CLEC4F: variants seen among roughly 807,000 people sequenced by gnomAD.
CLEC4F encodes the protein C-type (calcium dependent, carbohydrate-recognition domain) lectin, superfamily member 13.
In CLEC4F, 45 loss-of-function variants were observed where a neutral mutation model predicts 53.4. The ratio of observed to expected loss-of-function variants is 0.84; its 90% CI spans 0.66 to 1.08. CLEC4F has a LOEUF of 1.08. Among genes scored for constraint, CLEC4F ranks in the 50% least tolerant of loss-of-function variants. The pLI is 0.00. For synonymous variants in CLEC4F, 245 were observed against 257.5 expected (o/e 0.95, Z 0.46); for missense variants, 753 against 698.2 (o/e 1.08, Z -0.88).
chr2:70,811,701 G>A (rs1476203515), intron 5 of CLEC4F, among the ~76,000 whole-genome samples: 1 of 152,092 alleles, frequency 6.6e-6, no homozygotes, highest in East Asian at 1.9e-4. Context: ...GTGGTCCTCG[G>A]ACCCATAGTT....
chr2:70,809,131 G>A lies in CLEC4F; in HGVS notation c.*140C>T, dbSNP rs1676395900. 6.4e-7 allele frequency: 1 copy of A among 1,551,468 alleles called. No individual in the cohort carries two copies. Among genetic ancestry groups the A allele is most frequent in the Non-Finnish European group, 8.7e-7 (1 of 1,147,222 alleles). On this transcript the variant is annotated 3_prime_UTR_variant, in exon 7 of 7. Transcript: ENST00000272367. Reference sequence around the variant, plus strand: ...TAGATGAAGGCAGCATCCCTTCCTGGTGCTGTGGCTCCTAGGGAGCTGACA... The same window carrying A: ...TAGATGAAGGCAGCATCCCTTCCTGATGCTGTGGCTCCTAGGGAGCTGACA...
chr2:70,823,574 G>A (rs1677279869), upstream of CLEC4F, among the ~76,000 whole-genome samples: 1 of 152,142 alleles, frequency 6.6e-6, no homozygotes, highest in South Asian at 2.1e-4. Context: ...GCCAGGAGAG[G>A]GGCATAGTTC....
rs782589322 is a variant in CLEC4F at position 70,816,067 on chromosome 2, G to A, written c.1314C>T (p.Ile438=). The stretch of plus-strand genomic sequence containing the variant: ...TCTTCAGGCGACTCTGCTCCTGCTG[G>A]ATTTCCATGGTTAGAGCTTTGGTGT... ...LENTKALTME[I]QQEQSRLKTL... Residue 438 remains isoleucine, a synonymous_variant, in exon 4 of 7, where the codon ATC becomes ATT. Coordinates refer to ENST00000272367, the MANE Select transcript of CLEC4F (RefSeq NM_173535.3). 2.5e-6 allele frequency: 4 copies of A among 1,614,062 alleles called. No individual in the cohort carries two copies. Among genetic ancestry groups the A allele is most frequent in the Non-Finnish European group, 3.4e-6 (4 of 1,180,054 alleles).
intron 6 of CLEC4F, 134 bp from the exon 7 acceptor site, chr2:70,809,516 C>T (rs558624059): frequency 1.6e-4 from 162 of 994,702 alleles, no homozygotes; most frequent in South Asian, 4.5e-4. Context: ...TGTGTCCAAA[C>T]GCACACACAT....
rs1553393584 is a variant in CLEC4F, at chr2:70,809,392, G to A, written c.1659-10C>T. 3.1e-6 allele frequency: 5 copies of A among 1,592,944 alleles called. No individual in the cohort carries two copies. The South Asian group carries it at 4.5e-5, about 14-fold the overall frequency. On this transcript the variant is annotated splice_polypyrimidine_tract_variant and intron_variant, in intron 6 of 6. Transcript: ENST00000272367. The stretch of plus-strand genomic sequence containing the variant: ...TCCCTTGGAACCAGGCCTGAGTAGG[G>A]CAGGGGGAAAAAAACAGAAAGACCC...
intron 4 of CLEC4F, among the ~76,000 whole-genome samples, chr2:70,815,325 C>T (rs1558614054): frequency 6.6e-6 from 1 of 152,158 alleles, no homozygotes; most frequent in Non-Finnish European, 1.5e-5. Context: ...CAGATCTCTT[C>T]CCTCCCCCTA....
chr2:70,820,401 G>T, intron 1 of CLEC4F, 62 bp downstream of exon 1: 1 of 1,463,632 alleles, frequency 6.8e-7, no homozygotes, highest in South Asian at 1.3e-5. Context: ...TTATGGCAGA[G>T]GGCCAAAGGA....
chr2:70,824,024 C>CAAA (rs1179902981), upstream of CLEC4F, among the ~76,000 whole-genome samples: 20 of 60,644 alleles, frequency 3.3e-4, no homozygotes, highest in South Asian at 6.4e-4. Context: ...AGCAAGACTC[C>CAAA]AAAAAAAAAA....
upstream of CLEC4F, among the ~76,000 whole-genome samples, chr2:70,823,911 T>C (rs1553398482): frequency 6.6e-6 from 1 of 151,382 alleles, no homozygotes. Flanking sequence ...GTGACTGTAA[T>C]CCCAGCTACT....
At chr2:70,822,239 C>T (rs145978645), upstream of CLEC4F, among the ~76,000 whole-genome samples, 626 of 152,282 alleles carry the variant, frequency 4.1e-3, 1 homozygote, top group African/African-American at 0.013. Context: ...GTCAGAGAAT[C>T]GGCTGGTGTC....
chr2:70,811,441 G>A, intron 5 of CLEC4F: 4 of 585,248 alleles, frequency 6.8e-6, no homozygotes, highest in South Asian at 4.5e-5. Flanking sequence ...TGCCTGTTCT[G>A]CCTCAGCACT....
intron 5 of CLEC4F, 78 bp downstream of exon 5, chr2:70,812,369 G>T: frequency 6.5e-7 from 1 of 1,528,290 alleles, no homozygotes; most frequent in South Asian, 1.2e-5. Context: ...TACCCACTGA[G>T]AGCAGGAAGG....
intron 4 of CLEC4F, among the ~76,000 whole-genome samples, chr2:70,813,623 C>CTTTCTTTA (rs1467745851): frequency 2.1e-3 from 243 of 113,820 alleles, no homozygotes; most frequent in Non-Finnish European, 3.6e-3. Flanking sequence ...TTCTTTCTTT[C>CTTTCTTTA]TTTCTTTCTT....
At chr2:70,811,124 C>G (rs1298911178) in intron 5 of CLEC4F, 2 of 688,692 alleles carry the variant, frequency 2.9e-6, no homozygotes, top group African/African-American at 1.8e-5. Context: ...GCACGACACT[C>G]TTTTGGAGTT....
chr2:70,821,647 G>T (rs73937022), upstream of CLEC4F, among the ~76,000 whole-genome samples: 17,879 of 152,184 alleles, frequency 0.12, 1,964 homozygotes, highest in African/African-American at 0.29. Context: ...AAAAGAATAG[G>T]AAGTACAGTG....
At position 70,819,408 on chromosome 2, in the gene CLEC4F, T is replaced by C. The variant is rs782291286; in HGVS notation, c.215A>G (p.Gln72Arg). The C allele has an allele frequency of 1.9e-6, 3 of 1,614,186 alleles. No individual in the cohort carries two copies. In the Admixed American group the frequency reaches 5.0e-5, roughly 27 times the overall value. ...AATGTTGTCTCCCAGAATTACGGCTTGCACAGGCTTCGGAACAGGTCTTGT... is the reference window on the plus strand; with the variant it reads ...AATGTTGTCTCCCAGAATTACGGCTCGCACAGGCTTCGGAACAGGTCTTGT... ...QQTRPVPKPVQAVILGDNITG... is the reference protein window; with the variant it reads ...QQTRPVPKPVRAVILGDNITG... Residue 72 changes from glutamine to arginine, a missense_variant, in exon 3 of 7, where the codon CAA becomes CGA. Coordinates refer to ENST00000272367, the MANE Select transcript of CLEC4F (RefSeq NM_173535.3).
intron 4 of CLEC4F, among the ~76,000 whole-genome samples, chr2:70,814,300 G>C (rs782667988): frequency 8.5e-5 from 13 of 152,134 alleles, no homozygotes; most frequent in Admixed American, 4.6e-4. Flanking sequence ...ACGTCAACCT[G>C]GTGGAAGCTG....
At chr2:70,822,865 A>G (rs1055185404), upstream of CLEC4F, among the ~76,000 whole-genome samples, 4 of 152,230 alleles carry the variant, frequency 2.6e-5, no homozygotes, top group Non-Finnish European at 5.9e-5. Context: ...TCTTTTGCAC[A>G]GATCCTGGGG....
intron 6 of CLEC4F, 126 bp downstream of exon 6, chr2:70,809,602 TACACCACATAC>T (rs1676430912): frequency 2.5e-6 from 2 of 792,624 alleles, no homozygotes; most frequent in South Asian, 1.6e-5. Flanking sequence ...ACACCACACA[TACACCACATAC>T]ACACCACACA....
Sources: allele counts gnomAD v4.1 joint callset (sites outside exome capture counted in the v4.1 genomes callset), GRCh38; gene constraint gnomAD v4.1.1; transcripts MANE v1.5; gene names NCBI Gene and HGNC (gene_info 2026-07-23, HGNC 2026-07-21).